WWC1: variants seen among roughly 807,000 people sequenced by gnomAD.
WWC1 encodes the protein protein KIBRA.
In WWC1, 55 loss-of-function variants were observed where a neutral mutation model predicts 138.4. The ratio of observed to expected loss-of-function variants is 0.40; its 90% CI spans 0.32 to 0.50. WWC1 has a LOEUF of 0.50. WWC1 is among the 20% of genes least tolerant of loss of function. WWC1 has a pLI of 0.72. For synonymous variants in WWC1, 524 were observed against 564.9 expected (o/e 0.93, Z 1.03); for missense variants, 1,226 against 1,420.4 (o/e 0.86, Z 2.20).
chr5:168,355,562 T>C (rs1439924441), intron 1 of WWC1, among the ~76,000 whole-genome samples: 1 of 138,896 alleles, frequency 7.2e-6, no homozygotes, highest in Non-Finnish European at 1.5e-5. Context: ...AGTGGACAGG[T>C]GTGTAGACAG....
At position 168,470,417 on chromosome 5, in the gene WWC1, G is replaced by A. The variant is rs1168076227; in HGVS notation, c.*1400G>A. The A allele has an allele frequency of 1.3e-5, 2 of 152,100 alleles. No individual in the cohort carries two copies. The highest frequency in any genetic ancestry group is 2.4e-5 in the African/African-American group (1 of 41,352). The allele number at this position is 152,100 out of a possible 1,614,324, so 9.4% of individuals were successfully genotyped here. A position where few individuals can be genotyped will look rare whatever the true frequency, so the allele number is the denominator to read the frequency against. On this transcript the variant is annotated 3_prime_UTR_variant, in exon 23 of 23. Transcript: ENST00000265293. ...CGGCCGTGGTGGCGGGCAGCTACTC[G>A]GGAGGCTGAGGCAGGAGAATGACCT...
intron 3 of WWC1, among the ~76,000 whole-genome samples, chr5:168,391,034 T>C (rs1167200848): frequency 6.6e-6 from 1 of 152,222 alleles, no homozygotes; most frequent in East Asian, 1.9e-4. Flanking sequence ...TGTAACCAGA[T>C]ATATCTGATC....
intron 1 of WWC1, among the ~76,000 whole-genome samples, chr5:168,361,107 T>C (rs907886248): frequency 9.2e-5 from 14 of 152,276 alleles, no homozygotes; most frequent in African/African-American, 3.4e-4. Context: ...TGCAAGAACC[T>C]GGGAAGCAGG....
intron 2 of WWC1, among the ~76,000 whole-genome samples, chr5:168,383,569 T>A (rs1296794112): frequency 1.3e-5 from 2 of 152,206 alleles, no homozygotes; most frequent in African/African-American, 2.4e-5. Flanking sequence ...CATAAATGAA[T>A]GAAGCAGACC....
Position 168,364,169 on chromosome 5 carries a change from A to G in WWC1, c.120-7255A>G, listed in dbSNP as rs530201815. 2.0e-4 allele frequency among the ~76,000 whole-genome samples: 31 copies of G among 152,066 alleles called. No individual in the cohort carries two copies. In the South Asian group the frequency reaches 6.2e-3, roughly 31 times the overall value. On this transcript the variant is annotated intron_variant, in intron 1 of 22. Coordinates refer to ENST00000265293, the MANE Select transcript of WWC1 (RefSeq NM_015238.3). ...TTCACAGAGAAGAAAACTCCTCTCAAGCAGGTTACATAACCCACCTACAGT... is the reference window on the plus strand; with the variant it reads ...TTCACAGAGAAGAAAACTCCTCTCAGGCAGGTTACATAACCCACCTACAGT...
In WWC1 at chr5:168,446,292, C is replaced by G. The variant is rs374319966; in HGVS notation, c.2525+1707C>G. ...GCAAGTGTTTCAGCAATGTTGAAGA[C>G]ATGCTATTGCCGAAGAGAGACTTTC... On this transcript the variant is annotated intron_variant, in intron 17 of 22. Transcript: ENST00000265293. Among the ~76,000 whole-genome samples the G allele has an allele frequency of 3.6e-4, 38 of 104,270 alleles. 2 individuals carry two copies. The South Asian group carries it at 0.013, about 36-fold the overall frequency. The allele number at this position is 104,270 out of a possible 152,430, so 68.4% of individuals were successfully genotyped here.
chr5:168,407,839 T>A (rs1325221424), intron 6 of WWC1, among the ~76,000 whole-genome samples: 1 of 151,952 alleles, frequency 6.6e-6, no homozygotes. Flanking sequence ...ATGATGGCCC[T>A]GTGAGATAGG....
intron 5 of WWC1, 89 bp downstream of exon 5, chr5:168,399,656 T>C: frequency 7.9e-7 from 1 of 1,263,562 alleles, no homozygotes; most frequent in Non-Finnish European, 1.1e-6. Flanking sequence ...CTTCAGTCCC[T>C]TTCCTCCCTT....
intron 20 of WWC1, among the ~76,000 whole-genome samples, chr5:168,463,173 A>C (rs539924731): frequency 3.4e-4 from 52 of 152,282 alleles, no homozygotes; most frequent in African/African-American, 1.1e-3. Flanking sequence ...GCCTTACTTC[A>C]CAGTTTCCGC....
intron 15 of WWC1, among the ~76,000 whole-genome samples, chr5:168,440,510 G>GTT (rs572953001): frequency 0.015 from 2,281 of 151,944 alleles, 64 homozygotes; most frequent in African/African-American, 0.053. Context: ...TGTTGTTGTT[G>GTT]TTGTTTTGTT....
intron 3 of WWC1, among the ~76,000 whole-genome samples, chr5:168,387,888 G>A (rs1039871209): frequency 6.6e-6 from 1 of 151,480 alleles, no homozygotes. Context: ...TGAACCTCAG[G>A]TTTAAAGGGG....
intron 6 of WWC1, among the ~76,000 whole-genome samples, chr5:168,406,943 A>G (rs763479985): frequency 2.6e-5 from 4 of 151,682 alleles, no homozygotes; most frequent in African/African-American, 7.3e-5. Flanking sequence ...CTCTGTCTCA[A>G]AAAATAAATA....
At chr5:168,458,973 G>A (rs967853327) in intron 19 of WWC1, among the ~76,000 whole-genome samples, 1 of 152,144 alleles carries the variant, frequency 6.6e-6, no homozygotes, top group Non-Finnish European at 1.5e-5. Context: ...AGAATAAAAG[G>A]CTGGGCACAG....
At chr5:168,363,523 T>TTA (rs1776046933) in intron 1 of WWC1, among the ~76,000 whole-genome samples, 1 of 8,672 alleles carries the variant, frequency 1.2e-4, no homozygotes, top group African/African-American at 7.4e-4. Context: ...AGACTCTGTC[T>TTA]CAAAAAAAAA....
rs77606936 is a variant in WWC1 at position 168,423,488 on chromosome 5, C to T, written c.1275-45C>T. 1.4e-3 allele frequency: 2,176 copies of T among 1,564,998 alleles called. 27 individuals are homozygous for T. The African/African-American group carries it at 0.023, about 16-fold the overall frequency. On this transcript the variant is annotated intron_variant, in intron 10 of 22. Coordinates refer to ENST00000265293, the MANE Select transcript of WWC1 (RefSeq NM_015238.3). ...TCAGCAGAAGGTCTCAGGGGGCCCA[C>T]TTCACTGTGTGCATCTCACTGTCCT...
chr5:168,468,740 T>A lies in WWC1; in HGVS notation c.3276-211T>A, dbSNP rs59737872. ...CAGGGGTGATTTCTCCCCTTCCCCC[T>A]GGAACATTTGGCAATGAGCTTACGT... is the stretch of plus-strand genomic sequence containing the variant. On this transcript the variant is annotated intron_variant, in intron 22 of 22. Transcript: ENST00000265293. Among the ~76,000 whole-genome samples the A allele has an allele frequency of 0.013, 1,984 of 152,270 alleles. 48 individuals carry two copies. The highest frequency in any genetic ancestry group is 0.046 in the African/African-American group (1,901 of 41,538).
Position 168,339,598 on chromosome 5 carries a change from A to G in WWC1, c.120-31826A>G, listed in dbSNP as rs187014405. Among the ~76,000 whole-genome samples the G allele has an allele frequency of 1.8e-3, 269 of 152,276 alleles. 1 individual carries two copies. The highest frequency in any genetic ancestry group is 3.3e-3 in the Non-Finnish European group (226 of 68,024). On this transcript the variant is annotated intron_variant, in intron 1 of 22. Coordinates refer to ENST00000265293, the MANE Select transcript of WWC1 (RefSeq NM_015238.3). ...TGTAAGCCTCAGTTTCTTCATCTGT[A>G]AAGTGGGAAAAATACAGTACTTCCT...
At chr5:168,423,074 A>G (rs1355692821) in intron 10 of WWC1, among the ~76,000 whole-genome samples, 1 of 135,124 alleles carries the variant, frequency 7.4e-6, no homozygotes, top group Non-Finnish European at 1.5e-5. Context: ...TAAACCCAGG[A>G]GGCGGAGGTT....
At chr5:168,444,263 C>T (rs1755039692) in intron 16 of WWC1, among the ~76,000 whole-genome samples, 1 of 152,236 alleles carries the variant, frequency 6.6e-6, no homozygotes, top group African/African-American at 2.4e-5. Context: ...CATCACGATG[C>T]TGAGTAAGTT....
Sources: gnomAD v4.1 joint callset for allele counts (sites outside exome capture counted in the v4.1 genomes callset) on GRCh38, gnomAD v4.1.1 for gene constraint, MANE v1.5 for transcripts, NCBI Gene and HGNC (gene_info 2026-07-23, HGNC 2026-07-21) for gene names.